Variants in CLCN1 observed in about 807,000 individuals in gnomAD.
CLCN1 encodes chloride voltage-gated channel 1.
Under a neutral mutation model 114.5 loss-of-function variants are expected in CLCN1, and 100 were observed. The observed-to-expected ratio is 0.87, with a 90% CI of 0.74 to 1.03. The LOEUF is 1.03. Ranked by LOEUF, CLCN1 falls within the 50% of genes least tolerant of loss-of-function variation. CLCN1 has a pLI of 0.00. For synonymous variants in CLCN1, 485 were observed against 487.1 expected, an observed-to-expected ratio of 1.00 and a Z score of 0.06; for missense variants, 1,188 against 1,250.0, an observed-to-expected ratio of 0.95 and a Z score of 0.75.
rs1264845945 is a variant in CLCN1 at position 143,320,908 on chromosome 7, A to G, written c.433+113A>G. 25 of 1,305,456 alleles carry G rather than the reference A, an allele frequency of 1.9e-5. No homozygotes were observed. The East Asian group carries it at 4.2e-4, about 22-fold the overall frequency. The allele number at this position is 1,305,456 out of a possible 1,614,324, so 80.9% of individuals were successfully genotyped here. A position where few individuals can be genotyped will look rare whatever the true frequency, so the allele number is the denominator to read the frequency against. ...GCAGGGTGTGTTATGGGAAGCGAATATTGCGCAGAGAGGGATCAGGTGGGA... is the reference window on the plus strand; with the variant it reads ...GCAGGGTGTGTTATGGGAAGCGAATGTTGCGCAGAGAGGGATCAGGTGGGA... On this transcript the variant is annotated intron_variant, in intron 3 of 22. Coordinates refer to ENST00000343257, the MANE Select transcript of CLCN1 (RefSeq NM_000083.3).
chr7:143,328,085 C>G (rs1802620721), intron 7 of CLCN1, among the ~76,000 whole-genome samples: 1 of 152,164 alleles, frequency 6.6e-6, no homozygotes, highest in Admixed American at 6.5e-5. Flanking sequence ...TGAAACAGAT[C>G]TGGTGGGGGG....
intron 12 of CLCN1, among the ~76,000 whole-genome samples, chr7:143,334,564 G>C (rs1392325341): frequency 3.3e-5 from 5 of 151,944 alleles, no homozygotes; most frequent in Non-Finnish European, 5.9e-5. Context: ...TCTTATGCTT[G>C]CAACAGAAAA....
intron 17 of CLCN1, 72 bp downstream of exon 17, chr7:143,345,834 C>A: frequency 7.4e-7 from 1 of 1,346,880 alleles, no homozygotes. Flanking sequence ...CTGGGCTGGG[C>A]TGGGCTGGGC....
intron 3 of CLCN1, among the ~76,000 whole-genome samples, 160 bp downstream of exon 3, chr7:143,320,955 G>A (rs1802414065): frequency 6.6e-6 from 1 of 152,132 alleles, no homozygotes; most frequent in South Asian, 2.1e-4. Context: ...GAAAAGACCA[G>A]ACCCAGGCCT....
At chr7:143,347,073 G>C in intron 20 of CLCN1, 124 bp downstream of exon 20, 1 of 880,708 alleles carries the variant, frequency 1.1e-6, no homozygotes, top group South Asian at 1.3e-5. Flanking sequence ...GAAGTGTTTT[G>C]AGAGGATGGA....
At chr7:143,318,206 TTTTTTTGTTTTTTG>T (rs199876699) in intron 1 of CLCN1, among the ~76,000 whole-genome samples, 9 of 152,154 alleles carry the variant, frequency 5.9e-5, no homozygotes, top group South Asian at 2.1e-4. Flanking sequence ...TGGAATACTT[TTTTTTTGTTTTTTG>T]TTTTTTGTTT....
chr7:143,331,169 C>A, intron 8 of CLCN1, 63 bp from the exon 9 acceptor site: 1 of 1,254,258 alleles, frequency 8.0e-7, no homozygotes, highest in Non-Finnish European at 1.2e-6. Flanking sequence ...AACTGCCCAC[C>A]TCTGTTTCCC....
At chr7:143,346,314 C>T in intron 18 of CLCN1, 63 bp downstream of exon 18, 1 of 1,132,416 alleles carries the variant, frequency 8.8e-7, no homozygotes, top group Non-Finnish European at 1.3e-6. Flanking sequence ...TCACTAGGAC[C>T]TGACCTTGAC....
intron 2 of CLCN1, 101 bp downstream of exon 2, chr7:143,319,976 G>C (rs117263095): frequency 4.5e-4 from 575 of 1,287,490 alleles, no homozygotes; most frequent in Non-Finnish European, 5.8e-4. Flanking sequence ...TCCCTGCCCT[G>C]CTACAAAAAC....
chr7:143,318,049 G>A (rs1054622197), intron 1 of CLCN1, among the ~76,000 whole-genome samples: 1 of 152,056 alleles, frequency 6.6e-6, no homozygotes, highest in Non-Finnish European at 1.5e-5. Context: ...GTTTGGATTA[G>A]TTTTTCTTTG....
At chr7:143,349,262 T>C (rs546942513) in intron 20 of CLCN1, among the ~76,000 whole-genome samples, 1 of 152,292 alleles carries the variant, frequency 6.6e-6, no homozygotes, top group South Asian at 2.1e-4. Flanking sequence ...CTATGTAACC[T>C]CTGTAATCCA....
chr7:143,340,615 C>G (rs1377119907), intron 14 of CLCN1, among the ~76,000 whole-genome samples: 1 of 152,156 alleles, frequency 6.6e-6, no homozygotes, highest in South Asian at 2.1e-4. Flanking sequence ...TCACTGCAAC[C>G]TCTGCCTCCT....
At position 143,339,473 on chromosome 7, in the gene CLCN1, A is replaced by T; in HGVS notation, c.1472-38A>T. ...TGAAAACTGAGAGCAAGGAACTTGGATCTCGTAACACCTTCCTTCCTTTTA... is the reference window on the plus strand; with the variant it reads ...TGAAAACTGAGAGCAAGGAACTTGGTTCTCGTAACACCTTCCTTCCTTTTA... On this transcript the variant is annotated intron_variant, in intron 13 of 22. Coordinates refer to ENST00000343257, the MANE Select transcript of CLCN1 (RefSeq NM_000083.3). The surrounding 1 kb of genome is among the most constrained non-coding windows in gnomAD (Gnocchi z 4.1). 2.0e-6 allele frequency: 3 copies of T among 1,526,048 alleles called. No individual in the cohort carries two copies. The highest frequency in any genetic ancestry group is 2.7e-6 in the Non-Finnish European group (3 of 1,099,682). The allele number at this position is 1,526,048 out of a possible 1,614,324, so 94.5% of individuals were successfully genotyped here.
At chr7:143,316,436 A>C in intron 1 of CLCN1, 44 bp downstream of exon 1, 1 of 1,556,756 alleles carries the variant, frequency 6.4e-7, no homozygotes, top group Non-Finnish European at 8.8e-7. Flanking sequence ...ATGAGGGGAG[A>C]CAGTGGTGCC....
chr7:143,326,913 T>C lies in CLCN1; in HGVS notation c.853+2421T>C, dbSNP rs766725851. Among the ~76,000 whole-genome samples, 3 of 152,092 alleles carry C rather than the reference T, an allele frequency of 2.0e-5. No homozygotes were observed. The East Asian group carries it at 5.8e-4, about 29-fold the overall frequency. The stretch of plus-strand genomic sequence containing the variant: ...GTGTAAAAATGGTTCTATAAACCAG[T>C]TGGAAAATGCTTGGTTAAAGAGAGT... On this transcript the variant is annotated intron_variant, in intron 7 of 22. Coordinates refer to ENST00000343257, the MANE Select transcript of CLCN1 (RefSeq NM_000083.3).
rs1306741966 is a variant in CLCN1 at position 143,346,579 on chromosome 7, G to T, written c.2285G>T (p.Gly762Val). ...TCCATCCACTCACCTGTCCTCTCAG[G>T]TCAAAGACCCTCCATCTTCCAGTCC... The part of the protein sequence containing the change: ...KQQPEAPEPA[G>V]QRPSIFQSLL... Residue 762 changes from glycine to valine, a missense_variant and splice_region_variant, in exon 19 of 23, where the codon GGT (glycine) becomes GTT (valine). Coordinates refer to ENST00000343257, the MANE Select transcript of CLCN1 (RefSeq NM_000083.3). 5.6e-6 allele frequency: 9 copies of T among 1,613,274 alleles called. No individual in the cohort carries two copies. Among genetic ancestry groups the T allele is most frequent in the South Asian group, 2.2e-5 (2 of 91,056 alleles).
chr7:143,323,447 C>A (rs946945071), intron 6 of CLCN1, 61 bp downstream of exon 6: 1 of 1,219,636 alleles, frequency 8.2e-7, no homozygotes, highest in Non-Finnish European at 1.2e-6. Context: ...GGCTGTGTGT[C>A]CAGGGTGTTG....
intron 12 of CLCN1, among the ~76,000 whole-genome samples, chr7:143,336,833 T>TA (rs1802916898): frequency 2.6e-5 from 4 of 152,196 alleles, no homozygotes; most frequent in African/African-American, 9.6e-5. Context: ...ATACTGTTCT[T>TA]ACACATATCT....
intron 20 of CLCN1, among the ~76,000 whole-genome samples, chr7:143,348,809 C>T (rs1333992049): frequency 6.6e-6 from 1 of 152,120 alleles, no homozygotes; most frequent in East Asian, 1.9e-4. Context: ...GTGGAACACA[C>T]CAGCCTCAAC....
Sources: allele counts gnomAD v4.1 joint callset (sites outside exome capture counted in the v4.1 genomes callset), GRCh38; gene constraint gnomAD v4.1.1; non-coding constraint Gnocchi (gnomAD v3.1); transcripts MANE v1.5; gene names NCBI Gene and HGNC (gene_info 2026-07-23, HGNC 2026-07-21).